Variants in FAT4 observed in about 807,000 individuals in gnomAD.
FAT4 encodes the protein protocadherin Fat 4.
Under a neutral mutation model 303.9 loss-of-function variants are expected in FAT4, and 84 were observed. The ratio of observed to expected loss-of-function variants is 0.28; its 90% CI spans 0.23 to 0.33. FAT4 has a LOEUF of 0.33. Among genes scored for constraint, FAT4 ranks in the 10% least tolerant of loss-of-function variants. The pLI, the probability that FAT4 is intolerant of heterozygous loss-of-function variation, is 1.00. For missense variants in FAT4, 6,005 were observed against 6,146.8 expected (o/e 0.98, Z 0.77); for synonymous variants, 2,307 against 2,298.8 (o/e 1.00, Z -0.10).
intron 2 of FAT4, among the ~76,000 whole-genome samples, chr4:125,395,609 G>A (rs1460199101): frequency 3.3e-5 from 5 of 152,096 alleles, no homozygotes; most frequent in Admixed American, 6.6e-5. Context: ...GTGAACCACC[G>A]CGCCCGGCCA....
chr4:125,488,502 G>A (rs1213214508), intron 17 of FAT4, among the ~76,000 whole-genome samples: 1 of 152,136 alleles, frequency 6.6e-6, no homozygotes, highest in Non-Finnish European at 1.5e-5. Context: ...GGTGGCTGAG[G>A]AGTTAGAAAG....
intron 17 of FAT4, among the ~76,000 whole-genome samples, chr4:125,487,833 GCCACCA>G (rs1560637325): frequency 2.0e-5 from 3 of 151,760 alleles, no homozygotes; most frequent in Non-Finnish European, 4.4e-5. Context: ...TAAACTATTA[GCCACCA>G]CTTTCTCGAG....
chr4:125,427,081 A>G (rs868287186), intron 7 of FAT4, among the ~76,000 whole-genome samples: 9 of 152,088 alleles, frequency 5.9e-5, no homozygotes, highest in Non-Finnish European at 1.0e-4. Flanking sequence ...CAGAGTTTCA[A>G]TAACTGTGTT....
rs991348717 is a variant in FAT4 at position 125,409,893 on chromosome 4, A to C, written c.5920+1099A>C. On this transcript the variant is annotated intron_variant, in intron 5 of 17. Coordinates refer to ENST00000394329, the MANE Select transcript of FAT4 (RefSeq NM_001291303.3). ...AATTGTCTCATCAATATATAAAACA[A>C]GGGACAGTACTTTGAAGAAGAAATA... Among the ~76,000 whole-genome samples the C allele has an allele frequency of 4.6e-5, 7 of 152,300 alleles. No individual in the cohort carries two copies. The South Asian group carries it at 1.5e-3, about 32-fold the overall frequency.
At chr4:125,371,645 G>T (rs1733117675) in intron 2 of FAT4, among the ~76,000 whole-genome samples, 1 of 151,616 alleles carries the variant, frequency 6.6e-6, no homozygotes, top group Non-Finnish European at 1.5e-5. Flanking sequence ...GAGGGGATAA[G>T]ATAAAAAGTG....
At chr4:125,486,093 G>T (rs1727400229) in intron 16 of FAT4, among the ~76,000 whole-genome samples, 1 of 151,276 alleles carries the variant, frequency 6.6e-6, no homozygotes, top group Non-Finnish European at 1.5e-5. Context: ...TGAATAAAAG[G>T]ATGACATGAT....
At chr4:125,487,686 C>G in intron 17 of FAT4, 80 bp downstream of exon 17, 2 of 1,393,736 alleles carry the variant, frequency 1.4e-6, no homozygotes, top group East Asian at 4.7e-5. Context: ...TGTGGCAAGA[C>G]TACACATTTA....
rs1361966502 is a variant in FAT4 at position 125,446,457 on chromosome 4, T to C, written c.7364T>C (p.Leu2455Pro). The change falls in exon 9 of 18, where the codon CTT becomes CCT. Residue 2455 changes from leucine to proline, a missense_variant. Transcript: ENST00000394329. Reference protein sequence around the residue: ...PEPLSSSTSVLVTVTDVNDNP... With the variant: ...PEPLSSSTSVPVTVTDVNDNP... ...CCTCTTTCCAGTTCCACCAGTGTGC[T>C]TGTCACTGTGACTGATGTCAATGAC... 1.2e-6 allele frequency: 2 copies of C among 1,613,580 alleles called. No individual in the cohort carries two copies. Among genetic ancestry groups the C allele is most frequent in the South Asian group, 1.1e-5 (1 of 91,070 alleles).
chr4:125,441,465 A>T (rs1250060412), intron 8 of FAT4, among the ~76,000 whole-genome samples: 3 of 152,216 alleles, frequency 2.0e-5, no homozygotes, highest in African/African-American at 4.8e-5. Flanking sequence ...TGTATACCAT[A>T]TAAAAAATTC....
intron 2 of FAT4, among the ~76,000 whole-genome samples, chr4:125,380,723 G>A (rs1733505747): frequency 6.6e-6 from 1 of 152,124 alleles, no homozygotes; most frequent in Admixed American, 6.6e-5. Context: ...ATCTAGACAG[G>A]AGAACTGTAA....
chr4:125,480,359 G>C (rs1269368757), intron 15 of FAT4, among the ~76,000 whole-genome samples: 1 of 152,026 alleles, frequency 6.6e-6, no homozygotes, highest in African/African-American at 2.4e-5. Flanking sequence ...AATTAATTTT[G>C]AATATTACTT....
chr4:125,330,479 T>C (rs945146841), intron 2 of FAT4, among the ~76,000 whole-genome samples: 1 of 152,250 alleles, frequency 6.6e-6, no homozygotes, highest in African/African-American at 2.4e-5. Context: ...TCTCATTCCT[T>C]TATATAAAAT....
At chr4:125,355,091 T>C (rs1246722670) in intron 2 of FAT4, among the ~76,000 whole-genome samples, 2 of 151,964 alleles carry the variant, frequency 1.3e-5, no homozygotes, top group Non-Finnish European at 2.9e-5. Context: ...ATTCCCTGCA[T>C]ATCATCAAAA....
At chr4:125,395,383 C>T (rs1286336798) in intron 2 of FAT4, among the ~76,000 whole-genome samples, 1 of 152,118 alleles carries the variant, frequency 6.6e-6, no homozygotes, top group Non-Finnish European at 1.5e-5. Context: ...CATCTTGGCT[C>T]ACTGCAACCT....
At chr4:125,487,926 T>C (rs1727468685) in intron 17 of FAT4, among the ~76,000 whole-genome samples, 2 of 152,230 alleles carry the variant, frequency 1.3e-5, no homozygotes, top group Admixed American at 6.5e-5. Context: ...AAGCATTTCA[T>C]ATACATTTGT....
At chr4:125,403,582 A>G (rs1734470313) in intron 3 of FAT4, among the ~76,000 whole-genome samples, 1 of 151,606 alleles carries the variant, frequency 6.6e-6, no homozygotes, top group African/African-American at 2.4e-5. Context: ...ACCCTCAGAT[A>G]TTTATTTTAA....
chr4:125,348,681 T>C (rs1310809219), intron 2 of FAT4, among the ~76,000 whole-genome samples: 1 of 151,684 alleles, frequency 6.6e-6, no homozygotes, highest in Non-Finnish European at 1.5e-5. Context: ...GGAGCAATTA[T>C]CCAAGACAGC....
Position 125,491,934 on chromosome 4 carries a change from A to G in FAT4, c.*166A>G. The G allele has an allele frequency of 1.6e-6, 1 of 641,050 alleles. No homozygotes were observed. Among genetic ancestry groups the G allele is most frequent in the Non-Finnish European group, 2.6e-6 (1 of 385,338 alleles). 39.7% of individuals were successfully genotyped at this position (641,050 alleles called of 1,614,324 possible). On this transcript the variant is annotated 3_prime_UTR_variant, in exon 18 of 18. Transcript: ENST00000394329. ...CACAATGCTGCTGAAACAGACTCAC[A>G]ACAACTCTTAATTTAAACATGTGTG...
Position 125,408,797 on chromosome 4 carries a change from A to G in FAT4, c.5920+3A>G. Reference sequence around the variant, plus strand: ...TAATGTTACTGATGCAGATGATGGTATGTATTTTATTTAATATAATTTTTA... The same window carrying G: ...TAATGTTACTGATGCAGATGATGGTGTGTATTTTATTTAATATAATTTTTA... On this transcript the variant is annotated splice_donor_region_variant and intron_variant, in intron 5 of 17. Transcript: ENST00000394329. 7.3e-7 allele frequency: 1 copy of G among 1,362,880 alleles called. No homozygotes were observed. Among genetic ancestry groups the G allele is most frequent in the Non-Finnish European group, 9.9e-7 (1 of 1,011,588 alleles). The allele number at this position is 1,362,880 out of a possible 1,614,324, so 84.4% of individuals were successfully genotyped here. A position where few individuals can be genotyped will look rare whatever the true frequency, so the allele number is the denominator to read the frequency against.
Sources: allele counts gnomAD v4.1 joint callset (sites outside exome capture counted in the v4.1 genomes callset), GRCh38; gene constraint gnomAD v4.1.1; transcripts MANE v1.5; gene names NCBI Gene and HGNC (gene_info 2026-07-23, HGNC 2026-07-21).